The following KRR1 variants were observed in gnomAD, a reference collection of about 807,000 sequenced individuals.
The protein encoded by KRR1 is KRR1 small subunit processome component.
Under a neutral mutation model 50.0 loss-of-function variants are expected in KRR1, and 23 were observed. The observed-to-expected ratio is 0.46, with a 90% CI of 0.33 to 0.65. The LOEUF is 0.65. Among genes scored for constraint, KRR1 ranks in the 30% least tolerant of loss-of-function variants. KRR1 has a pLI of 0.02. For synonymous variants in KRR1, 133 were observed against 146.3 expected (o/e 0.91, Z 0.66); for missense variants, 419 against 442.4 (o/e 0.95, Z 0.47).
At chr12:75,505,278 A>G (rs771096462) in intron 5 of KRR1, 24 bp from the exon 6 acceptor site, 1 of 1,563,360 alleles carries the variant, frequency 6.4e-7, no homozygotes, top group Non-Finnish European at 8.7e-7. Context: ...AGAAAAATGA[A>G]TTAGTCACAA....
intron 1 of KRR1, among the ~76,000 whole-genome samples, chr12:75,511,254 C>A (rs2046447059): frequency 6.6e-6 from 1 of 152,164 alleles, no homozygotes; most frequent in African/African-American, 2.4e-5. Flanking sequence ...TAATACTCAT[C>A]CTTTTACAAA....
chr12:75,499,152 C>A lies in KRR1; in HGVS notation c.*657G>T. 1 of 456,490 alleles carries A rather than the reference C, an allele frequency of 2.2e-6. No individual in the cohort carries two copies. Among genetic ancestry groups the A allele is most frequent in the South Asian group, 4.1e-5 (1 of 24,466 alleles). 28.3% of individuals were successfully genotyped at this position (456,490 alleles called of 1,614,324 possible). On this transcript the variant is annotated 3_prime_UTR_variant, in exon 10 of 10. Coordinates refer to ENST00000229214, the MANE Select transcript of KRR1 (RefSeq NM_007043.7). The stretch of plus-strand genomic sequence containing the variant: ...TCCTAACTCTATCAGATAAACTCAT[C>A]TTTAGTATAAATAAGCATTATTTGC...
chr12:75,500,495 AATTC>A (rs2046384918), intron 9 of KRR1: 1 of 39,652 alleles, frequency 2.5e-5, no homozygotes, highest in Admixed American at 2.2e-4. Context: ...TCAATGAATT[AATTC>A]ATTTAATGTT....
In KRR1 at chr12:75,495,376, A is replaced by AT. The variant is rs2046344095; in HGVS notation, c.*4432dup. On this transcript the variant is annotated 3_prime_UTR_variant, in exon 10 of 10. Transcript: ENST00000229214. ...ATGGGATGCAGATTAAAACAGGTGC[A>AT]TAGACACAGGTACATAGAATGAACT... 3 of 490,320 alleles carry AT rather than the reference A, an allele frequency of 6.1e-6. No homozygotes were observed. Among genetic ancestry groups the AT allele is most frequent in the Admixed American group, 6.7e-5 (2 of 29,756 alleles). 30.4% of individuals were successfully genotyped at this position (490,320 alleles called of 1,614,324 possible). A position where few individuals can be genotyped will look rare whatever the true frequency, so the allele number is the denominator to read the frequency against.
At position 75,494,136 on chromosome 12, in the gene KRR1, C is replaced by T. The variant is rs1170774559; in HGVS notation, c.*5673G>A. 2 of 151,752 alleles carry T rather than the reference C, an allele frequency of 1.3e-5. No individual in the cohort carries two copies. 9.4% of individuals were successfully genotyped at this position (151,752 alleles called of 1,614,324 possible). A position where few individuals can be genotyped will look rare whatever the true frequency, so the allele number is the denominator to read the frequency against. On this transcript the variant is annotated 3_prime_UTR_variant, in exon 10 of 10. Transcript: ENST00000229214. The stretch of plus-strand genomic sequence containing the variant: ...TTCTGAAGCAACTTAAAATTTGGAG[C>T]AAAATGAGATAAGAACATAGATTTG...
intron 1 of KRR1, among the ~76,000 whole-genome samples, chr12:75,508,801 T>G (rs189320184): frequency 6.6e-6 from 1 of 152,226 alleles, no homozygotes; most frequent in African/African-American, 2.4e-5. Context: ...AATTGAAGAT[T>G]TGAATGCCAT....
chr12:75,508,389 T>C lies in KRR1; in HGVS notation c.143A>G (p.Glu48Gly). Reference protein sequence around the residue: ...DGWKEPAFSKEDNPRGLLEES... With the variant: ...DGWKEPAFSKGDNPRGLLEES... ...CTCCAAAAGTCCTCTGGGATTGTCC[T>C]CTTTGGAAAAAGCTGGTTCCTTCCA... The change falls in exon 2 of 10, where the codon GAG becomes GGG. Residue 48 changes from glutamate (E) to glycine (G), a missense_variant. Physicochemically the swap from Glu to Gly is moderately conservative, Grantham distance 98. Coordinates refer to ENST00000229214, the MANE Select transcript of KRR1 (RefSeq NM_007043.7). The C allele has an allele frequency of 1.9e-6, 3 of 1,613,040 alleles. No individual in the cohort carries two copies. The highest frequency in any genetic ancestry group is 2.5e-6 in the Non-Finnish European group (3 of 1,179,548).
At chr12:75,500,010 G>A in intron 9 of KRR1, 59 bp from the exon 10 acceptor site, 1 of 1,326,846 alleles carries the variant, frequency 7.5e-7, no homozygotes, top group South Asian at 1.4e-5. Context: ...GTAAAACAAA[G>A]AATATATGTT....
rs1284436393 is a variant in KRR1, at chr12:75,501,908, C to T, written c.909+15G>A. 5.0e-6 allele frequency: 8 copies of T among 1,606,562 alleles called. No homozygotes were observed. Among genetic ancestry groups the T allele is most frequent in the Middle Eastern group, 1.7e-4 (1 of 5,988 alleles). On this transcript the variant is annotated intron_variant, in intron 8 of 9. Transcript: ENST00000229214. Reference sequence around the variant, plus strand: ...AACTTTGCTATTCATGTGAGCCAGACATAAAGTGCCGTACCTTTATTGCTT... The same window carrying T: ...AACTTTGCTATTCATGTGAGCCAGATATAAAGTGCCGTACCTTTATTGCTT...
rs1346373543 is a variant in KRR1 at position 75,492,968 on chromosome 12, A to T, written c.*6841T>A. ...TATTTAAGCTTAGGCATGAAGAATG[A>T]GAAGGAATCAGACATAAGAACTTCT... is the stretch of plus-strand genomic sequence containing the variant. On this transcript the variant is annotated 3_prime_UTR_variant, in exon 10 of 10. Transcript: ENST00000229214. 1 of 152,216 alleles carries T rather than the reference A, an allele frequency of 6.6e-6. No homozygotes were observed. The highest frequency in any genetic ancestry group is 1.5e-5 in the Non-Finnish European group (1 of 68,048). The allele number at this position is 152,216 out of a possible 1,614,324, so 9.4% of individuals were successfully genotyped here.
chr12:75,499,621 T>G lies in KRR1; in HGVS notation c.*188A>C, dbSNP rs1428765253. 1.4e-5 allele frequency: 5 copies of G among 349,742 alleles called. No homozygotes were observed. Among genetic ancestry groups the G allele is most frequent in the Non-Finnish European group, 2.5e-5 (5 of 199,650 alleles). 21.7% of individuals were successfully genotyped at this position (349,742 alleles called of 1,614,324 possible). A position where few individuals can be genotyped will look rare whatever the true frequency, so the allele number is the denominator to read the frequency against. ...GTATACAAAGACTTATATACCACTTTCTCGTATAAATTTTTCAAAAAATAC... is the reference window on the plus strand; with the variant it reads ...GTATACAAAGACTTATATACCACTTGCTCGTATAAATTTTTCAAAAAATAC... On this transcript the variant is annotated 3_prime_UTR_variant, in exon 10 of 10. Coordinates refer to ENST00000229214, the MANE Select transcript of KRR1 (RefSeq NM_007043.7).
chr12:75,507,093 T>A (rs1290707421), intron 2 of KRR1, among the ~76,000 whole-genome samples, 177 bp from the exon 3 acceptor site: 2 of 152,208 alleles, frequency 1.3e-5, no homozygotes, highest in Non-Finnish European at 1.5e-5. Context: ...TTTCACACTT[T>A]ACAGACTATA....
At chr12:75,510,470 G>C (rs1291009063) in intron 1 of KRR1, among the ~76,000 whole-genome samples, 1 of 152,026 alleles carries the variant, frequency 6.6e-6, no homozygotes, top group Non-Finnish European at 1.5e-5. Context: ...AACTACACCC[G>C]CAAGTATCAC....
Position 75,499,858 on chromosome 12 carries a change from AT to A in KRR1, c.1096del (p.Ile366LeufsTer23). The A allele has an allele frequency of 6.2e-7, 1 of 1,608,064 alleles. No homozygotes were observed. The highest frequency in any genetic ancestry group is 1.1e-5 in the South Asian group (1 of 90,296). ...TTCATCTGCCTCCATCTTAAGTGCA[AT>A]TTCTTCAGCTGTAAGAGCTCCCAGT... The part of the protein sequence containing the change: ...KKLGALTAEE[I>X]ALKMEADEKK... On this transcript the variant is annotated frameshift_variant, in exon 10 of 10. Transcript: ENST00000229214. LOFTEE classifies it high-confidence loss of function.
In KRR1 at chr12:75,499,805, T is replaced by C. The variant is rs755838106; in HGVS notation, c.*4A>G. ...ATAGTTCTAGTCAAGGAGTTTTGGG[T>C]ATGTTACTTTTTTTTCTTCTTTTTC... On this transcript the variant is annotated 3_prime_UTR_variant, in exon 10 of 10. Transcript: ENST00000229214. The C allele has an allele frequency of 1.9e-6, 3 of 1,595,424 alleles. No homozygotes were observed. The highest frequency in any genetic ancestry group is 2.6e-6 in the Non-Finnish European group (3 of 1,172,920).
At chr12:75,507,019 T>C in intron 2 of KRR1, 103 bp from the exon 3 acceptor site, 1 of 891,538 alleles carries the variant, frequency 1.1e-6, no homozygotes, top group East Asian at 2.8e-5. Flanking sequence ...CACCTCTCAA[T>C]TCCTATCAAT....
rs2046324391 is a variant in KRR1 at position 75,491,625 on chromosome 12, T to C, written c.*8184A>G. On this transcript the variant is annotated 3_prime_UTR_variant, in exon 10 of 10. Coordinates refer to ENST00000229214, the MANE Select transcript of KRR1 (RefSeq NM_007043.7). ...ATTTCACCATCAGTACTAGGTATTA[T>C]AATTTCTTAGTATTTTCTAATTTGA... The C allele has an allele frequency of 6.6e-6, 1 of 152,216 alleles. No homozygotes were observed. Among genetic ancestry groups the C allele is most frequent in the Non-Finnish European group, 1.5e-5 (1 of 68,034 alleles). The allele number at this position is 152,216 out of a possible 1,614,324, so 9.4% of individuals were successfully genotyped here.
In KRR1 at chr12:75,499,610, ATATACCAC is replaced by A. The variant is rs1455197215; in HGVS notation, c.*191_*198del. The A allele has an allele frequency of 7.9e-4, 264 of 332,814 alleles. 3 individuals carry two copies. Among genetic ancestry groups the A allele is most frequent in the African/African-American group, 5.2e-3 (240 of 46,366 alleles). The allele number at this position is 332,814 out of a possible 1,614,324, so 20.6% of individuals were successfully genotyped here. On this transcript the variant is annotated 3_prime_UTR_variant, in exon 10 of 10. Coordinates refer to ENST00000229214, the MANE Select transcript of KRR1 (RefSeq NM_007043.7). ...ATGGTCGTAATGTATACAAAGACTT[ATATACCAC>A]TTTCTCGTATAAATTTTTCAAAAAA...
At chr12:75,504,207 T>A in intron 6 of KRR1, 133 bp from the exon 7 acceptor site, 2 of 524,788 alleles carry the variant, frequency 3.8e-6, no homozygotes, top group Non-Finnish European at 6.4e-6. Context: ...ATTAAACCAA[T>A]TACATAAGCA....
Sources: allele counts gnomAD v4.1 joint callset (sites outside exome capture counted in the v4.1 genomes callset), GRCh38; gene constraint gnomAD v4.1.1; transcripts MANE v1.5; gene names NCBI Gene and HGNC (gene_info 2026-07-23, HGNC 2026-07-21).